Variants in ZNF439 observed in about 807,000 individuals in gnomAD.
ZNF439 encodes zinc finger protein 439.
Under a neutral mutation model 47.3 loss-of-function variants are expected in ZNF439, and 40 were observed. The ratio of observed to expected loss-of-function variants is 0.85; its 90% CI spans 0.66 to 1.10. The LOEUF is 1.10. Among genes scored for constraint, ZNF439 ranks in the 50% least tolerant of loss-of-function variants. The pLI is 0.00. For synonymous variants in ZNF439, 171 were observed against 198.8 expected (o/e 0.86, Z 1.18); for missense variants, 556 against 601.1 (o/e 0.93, Z 0.78).
rs926279575 is a variant in ZNF439, at chr19:11,862,443, G to A, written c.64-3762G>A. Reference sequence around the variant, plus strand: ...TTTTTTTTTTTTTAAGACTCACCTTGTTTGATTCTAATTTTGGCAGTTATG... The same window carrying A: ...TTTTTTTTTTTTTAAGACTCACCTTATTTGATTCTAATTTTGGCAGTTATG... On this transcript the variant is annotated intron_variant, in intron 1 of 3. Transcript: ENST00000682736. Among the ~76,000 whole-genome samples the A allele has an allele frequency of 4.6e-5, 7 of 151,624 alleles. No homozygotes were observed. In the East Asian group the frequency reaches 1.4e-3, roughly 29 times the overall value.
intron 1 of ZNF439, among the ~76,000 whole-genome samples, chr19:11,854,410 G>A (rs1387231007): frequency 6.6e-6 from 1 of 152,226 alleles, no homozygotes; most frequent in Non-Finnish European, 1.5e-5. Context: ...GGCTTGGACA[G>A]ATTAATGGGA....
chr19:11,856,607 A>C (rs1355368496), intron 1 of ZNF439: 2 of 152,384 alleles, frequency 1.3e-5, no homozygotes, highest in Admixed American at 1.3e-4. Context: ...ATTTGGAGCC[A>C]AGCCTTGTGG....
chr19:11,863,275 C>T (rs1366602786), intron 1 of ZNF439, among the ~76,000 whole-genome samples: 2 of 151,462 alleles, frequency 1.3e-5, no homozygotes, highest in African/African-American at 4.9e-5. Context: ...ATTCTCCTGC[C>T]TCAGCCTCCC....
chr19:11,866,370 T>A (rs1338366344), intron 2 of ZNF439, 39 bp downstream of exon 2: 3 of 1,612,498 alleles, frequency 1.9e-6, no homozygotes, highest in African/African-American at 2.7e-5. Context: ...TGCATTAGTT[T>A]ACCAATGTTT....
chr19:11,858,355 A>G lies in ZNF439; in HGVS notation c.64-7850A>G, dbSNP rs541192991. Reference sequence around the variant, plus strand: ...GTGGCAGGCACCTGTAGTCCCAGCTACTTGGGAGGCTGAAACAGGAGAATG... The same window carrying G: ...GTGGCAGGCACCTGTAGTCCCAGCTGCTTGGGAGGCTGAAACAGGAGAATG... On this transcript the variant is annotated intron_variant, in intron 1 of 3. Coordinates refer to ENST00000682736, the MANE Select transcript of ZNF439 (RefSeq NM_001348719.2). The G allele has an allele frequency of 4.0e-5, 6 of 151,752 alleles. No individual in the cohort carries two copies. In the South Asian group the frequency reaches 6.3e-4, roughly 16 times the overall value. The allele number at this position is 151,752 out of a possible 1,614,324, so 9.4% of individuals were successfully genotyped here.
intron 1 of ZNF439, among the ~76,000 whole-genome samples, chr19:11,852,128 A>T (rs907477201): frequency 6.6e-6 from 1 of 152,148 alleles, no homozygotes; most frequent in East Asian, 1.9e-4. Context: ...TACTACAGAG[A>T]TCAGTAGTGA....
chr19:11,865,292 G>GT (rs1251296131), intron 1 of ZNF439, among the ~76,000 whole-genome samples: 2 of 151,830 alleles, frequency 1.3e-5, no homozygotes, highest in East Asian at 1.9e-4. Flanking sequence ...TTACGGTCTT[G>GT]TTTTTTTCAG....
chr19:11,867,607 CA>C lies in ZNF439; in HGVS notation c.554del (p.His185ProfsTer27), dbSNP rs1276132442. The C allele has an allele frequency of 6.2e-7, 1 of 1,614,010 alleles. No individual in the cohort carries two copies. The highest frequency in any genetic ancestry group is 2.2e-5 in the East Asian group (1 of 44,890). On this transcript the variant is annotated frameshift_variant, in exon 4 of 4. Coordinates refer to ENST00000682736, the MANE Select transcript of ZNF439 (RefSeq NM_001348719.2). LOFTEE classifies it high-confidence loss of function. ...CTCCTTGAGAACACAAGAAAGGGAT[CA>C]CACTGGAAAGAAACCCTATGCTTGT... ...HPSLRTQERD[H>X]TGKKPYACKE... is the part of the protein sequence containing the mutation.
Position 11,868,085 on chromosome 19 carries a change from C to T in ZNF439, c.1031C>T (p.Thr344Ile). 1.2e-6 allele frequency: 2 copies of T among 1,614,150 alleles called. No homozygotes were observed. Among genetic ancestry groups the T allele is most frequent in the Non-Finnish European group, 8.5e-7 (1 of 1,180,020 alleles). Residue 344 changes from threonine to isoleucine, a missense_variant, in exon 4 of 4, where the codon ACA becomes ATA. Transcript: ENST00000682736. ...TGTGGGAAAGCATTATCCTCTCTTA[C>T]AAGTTTTCAAACACACATAAGAATG... ...KQCGKALSSL[T>I]SFQTHIRMHS...
At chr19:11,855,227 T>C (rs922399409) in intron 1 of ZNF439, among the ~76,000 whole-genome samples, 5 of 152,230 alleles carry the variant, frequency 3.3e-5, no homozygotes, top group African/African-American at 7.2e-5. Flanking sequence ...CTTTTCCATG[T>C]AGTTGACCTT....
At chr19:11,858,951 T>A (rs1976467119) in intron 1 of ZNF439, among the ~76,000 whole-genome samples, 1 of 152,232 alleles carries the variant, frequency 6.6e-6, no homozygotes, top group Non-Finnish European at 1.5e-5. Context: ...CCCTTGGCTC[T>A]TTTTAGATTT....
chr19:11,854,864 C>A (rs1386549370), intron 1 of ZNF439, among the ~76,000 whole-genome samples: 6 of 152,196 alleles, frequency 3.9e-5, no homozygotes, highest in African/African-American at 1.4e-4. Flanking sequence ...GGAGCTAATC[C>A]TTCTTAGCTG....
At chr19:11,859,229 A>G (rs1437262606) in intron 1 of ZNF439, among the ~76,000 whole-genome samples, 1 of 152,178 alleles carries the variant, frequency 6.6e-6, no homozygotes, top group East Asian at 1.9e-4. Context: ...CTTGCGTGAT[A>G]TGTAAAAAGG....
Position 11,868,792 on chromosome 19 carries a change from G to T in ZNF439, c.*223G>T. ...GTCAAGAACCTTTCAATTTATGAAAGGACACACACTGGAGAGAAACCCTAT... is the reference window on the plus strand; with the variant it reads ...GTCAAGAACCTTTCAATTTATGAAATGACACACACTGGAGAGAAACCCTAT... On this transcript the variant is annotated 3_prime_UTR_variant, in exon 4 of 4. Coordinates refer to ENST00000682736, the MANE Select transcript of ZNF439 (RefSeq NM_001348719.2). 1 of 624,134 alleles carries T rather than the reference G, an allele frequency of 1.6e-6. No individual in the cohort carries two copies. 38.7% of individuals were successfully genotyped at this position (624,134 alleles called of 1,614,324 possible).
chr19:11,859,129 T>A (rs140800382), intron 1 of ZNF439, among the ~76,000 whole-genome samples: 10 of 152,324 alleles, frequency 6.6e-5, no homozygotes, highest in African/African-American at 2.4e-4. Context: ...AAAGTTACGG[T>A]TTGCATCTCT....
At chr19:11,854,225 G>A (rs542339750) in intron 1 of ZNF439, among the ~76,000 whole-genome samples, 6 of 152,282 alleles carry the variant, frequency 3.9e-5, no homozygotes, top group African/African-American at 7.2e-5. Flanking sequence ...AGTTCTGCAC[G>A]TACTGAACTG....
At chr19:11,853,096 A>C (rs991868566) in intron 1 of ZNF439, among the ~76,000 whole-genome samples, 9 of 151,218 alleles carry the variant, frequency 6.0e-5, no homozygotes, top group African/African-American at 2.2e-4. Flanking sequence ...CGCCTGGCTA[A>C]TTTTTGTATT....
intron 1 of ZNF439, among the ~76,000 whole-genome samples, chr19:11,865,348 C>T (rs1976645222): frequency 6.6e-6 from 1 of 151,460 alleles, no homozygotes; most frequent in Non-Finnish European, 1.5e-5. Flanking sequence ...TAGCTACATT[C>T]TGACAGGATA....
At chr19:11,860,596 C>T (rs535991385) in intron 1 of ZNF439, among the ~76,000 whole-genome samples, 21 of 151,918 alleles carry the variant, frequency 1.4e-4, no homozygotes, top group East Asian at 7.7e-4. Context: ...CAAAGGAGGA[C>T]GAACGCGGGA....
Sources: allele counts gnomAD v4.1 joint callset (sites outside exome capture counted in the v4.1 genomes callset), GRCh38; gene constraint gnomAD v4.1.1; transcripts MANE v1.5; gene names NCBI Gene and HGNC (gene_info 2026-07-23, HGNC 2026-07-21).